The following GNRHR variants were observed in gnomAD, a reference collection of about 807,000 sequenced individuals.
The protein encoded by GNRHR is gonadotropin releasing hormone receptor, also known as gonadotropin-releasing hormone receptor.
A neutral mutation model predicts 28.1 loss-of-function variants in GNRHR; 14 were observed. The ratio of observed to expected loss-of-function variants is 0.50; its 90% confidence interval spans 0.33 to 0.78. The LOEUF (loss-of-function observed/expected upper bound fraction) is 0.78. Among genes scored for constraint, GNRHR ranks in the 30% least tolerant of loss-of-function variants. The pLI is 0.02. For missense variants in GNRHR, 366 were observed against 382.1 expected, an observed-to-expected ratio of 0.96 and a Z score of 0.35; for synonymous variants, 141 against 140.5, an observed-to-expected ratio of 1.00 and a Z score of -0.02.
Position 67,739,778 on chromosome 4 carries a change from C to A in GNRHR, c.*702G>T, listed in dbSNP as rs1011463554. On this transcript the variant is annotated 3_prime_UTR_variant, in exon 3 of 3. Coordinates refer to ENST00000226413, the MANE Select transcript of GNRHR (RefSeq NM_000406.3). ...AGATAGCTTAGAGGAATGTTCTAAA[C>A]CCCTGTCCAAATCCTAACCCCTCTA... 3.9e-5 allele frequency: 6 copies of A among 151,970 alleles called. No individual in the cohort carries two copies. Among genetic ancestry groups the A allele is most frequent in the African/African-American group, 7.2e-5 (3 of 41,386 alleles). The allele number at this position is 151,970 out of a possible 1,614,324, so 9.4% of individuals were successfully genotyped here.
At chr4:67,752,205 GC>G (rs1298078945) in intron 1 of GNRHR, among the ~76,000 whole-genome samples, 4 of 151,450 alleles carry the variant, frequency 2.6e-5, no homozygotes, top group Non-Finnish European at 4.4e-5. Flanking sequence ...TTTTCCCAAA[GC>G]CTTTTTTTTT....
chr4:67,749,059 T>A (rs1396013404), intron 1 of GNRHR, among the ~76,000 whole-genome samples: 1 of 152,192 alleles, frequency 6.6e-6, no homozygotes, highest in Non-Finnish European at 1.5e-5. Context: ...CATATTTATG[T>A]CTTCAAGCAT....
chr4:67,744,937 T>C, intron 1 of GNRHR, 150 bp from the exon 2 acceptor site: 1 of 592,178 alleles, frequency 1.7e-6, no homozygotes, highest in African/African-American at 1.9e-5. Flanking sequence ...TGAAAAGTCA[T>C]GTGAATATTT....
At chr4:67,752,199 C>T (rs1731881341) in intron 1 of GNRHR, among the ~76,000 whole-genome samples, 1 of 151,840 alleles carries the variant, frequency 6.6e-6, no homozygotes, top group African/African-American at 2.4e-5. Context: ...CATAAATTTT[C>T]CCAAAGCCTT....
In GNRHR at chr4:67,737,621, T is replaced by G. The variant is rs1211752127; in HGVS notation, c.*2859A>C. Among the ~76,000 whole-genome samples the G allele has an allele frequency of 6.6e-6, 1 of 152,024 alleles. No individual in the cohort carries two copies. Among genetic ancestry groups the G allele is most frequent in the Non-Finnish European group, 1.5e-5 (1 of 67,884 alleles). Reference sequence around the variant, plus strand: ...CCTGGTAGATAATGTTTGTGGTACCTTCCCCAGAGTATTTTTTTAGCTACT... The same window carrying G: ...CCTGGTAGATAATGTTTGTGGTACCGTCCCCAGAGTATTTTTTTAGCTACT... On this transcript the variant is annotated 3_prime_UTR_variant, in exon 3 of 3. Coordinates refer to ENST00000226413, the MANE Select transcript of GNRHR (RefSeq NM_000406.3).
rs1433408411 is a variant in GNRHR, at chr4:67,740,358, C to A, written c.*122G>T. 6 of 767,910 alleles carry A rather than the reference C, an allele frequency of 7.8e-6. No individual in the cohort carries two copies. The highest frequency in any genetic ancestry group is 2.5e-5 in the East Asian group (1 of 40,628). The allele number at this position is 767,910 out of a possible 1,614,324, so 47.6% of individuals were successfully genotyped here. ...GACTGAGTTTCTAAAAGAATGATAA[C>A]TTAAGTGTAAATCCTACTTTGTTTG... On this transcript the variant is annotated 3_prime_UTR_variant, in exon 3 of 3. Transcript: ENST00000226413.
intron 2 of GNRHR, among the ~76,000 whole-genome samples, chr4:67,743,696 T>C: frequency 6.6e-6 from 1 of 152,352 alleles, no homozygotes; most frequent in East Asian, 1.9e-4. Flanking sequence ...TTATTTTCCC[T>C]CTACCCTTCT....
chr4:67,743,183 T>A (rs1029165915), intron 2 of GNRHR, among the ~76,000 whole-genome samples: 1 of 152,098 alleles, frequency 6.6e-6, no homozygotes, highest in South Asian at 2.1e-4. Context: ...AACTCCTGAC[T>A]GCAGGTGGTC....
intron 1 of GNRHR, among the ~76,000 whole-genome samples, chr4:67,746,134 G>C (rs1731751087): frequency 6.6e-6 from 1 of 152,004 alleles, no homozygotes; most frequent in Non-Finnish European, 1.5e-5. Context: ...CTGTGGCTGT[G>C]TGTGAGAGGC....
chr4:67,751,569 A>G (rs1731866146), intron 1 of GNRHR: 1 of 152,052 alleles, frequency 6.6e-6, no homozygotes, highest in Non-Finnish European at 1.5e-5. Context: ...TTAAGTTCCT[A>G]TTTTCTTTTT....
At position 67,740,733 on chromosome 4, in the gene GNRHR, T is replaced by C. The variant is rs886059567; in HGVS notation, c.743-9A>G. 1.1e-5 allele frequency: 17 copies of C among 1,607,000 alleles called. No homozygotes were observed. The East Asian group carries it at 1.6e-4, about 15-fold the overall frequency. ...CTGATTCAGTTGTAGTTCTGTTGGATAGAGAAAAGAGCAGGTGTTTAAAGA... is the reference window on the plus strand; with the variant it reads ...CTGATTCAGTTGTAGTTCTGTTGGACAGAGAAAAGAGCAGGTGTTTAAAGA... On this transcript the variant is annotated splice_polypyrimidine_tract_variant and intron_variant, in intron 2 of 2. Coordinates refer to ENST00000226413, the MANE Select transcript of GNRHR (RefSeq NM_000406.3).
intron 1 of GNRHR, among the ~76,000 whole-genome samples, chr4:67,752,798 A>G (rs1161402655): frequency 6.8e-5 from 2 of 29,202 alleles, no homozygotes; most frequent in Non-Finnish European, 3.1e-3. Context: ...TCTGCATGGC[A>G]GTTTTTTTTT....
intron 1 of GNRHR, among the ~76,000 whole-genome samples, chr4:67,745,932 G>C (rs1731745541): frequency 6.6e-6 from 1 of 151,994 alleles, no homozygotes; most frequent in Non-Finnish European, 1.5e-5. Context: ...GAAACACAAA[G>C]AAAGACTGAG....
At chr4:67,744,262 C>T (rs1731714841) in intron 2 of GNRHR, among the ~76,000 whole-genome samples, 2 of 152,188 alleles carry the variant, frequency 1.3e-5, no homozygotes, top group Admixed American at 6.5e-5. Flanking sequence ...ACAATTTGTA[C>T]TTGCTGCCCA....
chr4:67,749,705 T>TC (rs1395094250), intron 1 of GNRHR, among the ~76,000 whole-genome samples: 1 of 145,370 alleles, frequency 6.9e-6, no homozygotes, highest in African/African-American at 2.5e-5. Flanking sequence ...GTTCCTTCCT[T>TC]CTTTCCTTCC....
chr4:67,751,408 A>G (rs1217755222), intron 1 of GNRHR, among the ~76,000 whole-genome samples: 1 of 152,246 alleles, frequency 6.6e-6, no homozygotes, highest in Admixed American at 6.5e-5. Context: ...AAACTTCAGC[A>G]AAGTGCTTTA....
At chr4:67,744,885 G>A (rs1442315812) in intron 1 of GNRHR, 98 bp from the exon 2 acceptor site, 1 of 714,262 alleles carries the variant, frequency 1.4e-6, no homozygotes, top group Non-Finnish European at 2.5e-6. Context: ...GTTACCTAAA[G>A]CAATTTCTAA....
intron 2 of GNRHR, among the ~76,000 whole-genome samples, chr4:67,741,799 T>C (rs1731665945): frequency 6.6e-6 from 1 of 152,204 alleles, no homozygotes; most frequent in Non-Finnish European, 1.5e-5. Context: ...CCCTGATCAT[T>C]AGTGATGTTG....
chr4:67,744,814 T>TAA (rs1184461962), intron 1 of GNRHR, 27 bp from the exon 2 acceptor site: 4 of 1,303,776 alleles, frequency 3.1e-6, no homozygotes, highest in South Asian at 2.4e-5. Flanking sequence ...AAAGCTATGT[T>TAA]ACTTTTTTCC....
Sources: gnomAD v4.1 joint callset for allele counts (sites outside exome capture counted in the v4.1 genomes callset) on GRCh38, gnomAD v4.1.1 for gene constraint, MANE v1.5 for transcripts, NCBI Gene and HGNC (gene_info 2026-07-23, HGNC 2026-07-21) for gene names.